The following RBM19 variants were observed in gnomAD, a reference collection of about 807,000 sequenced individuals.
RBM19 encodes the protein probable RNA-binding protein 19.
A neutral mutation model predicts 116.8 loss-of-function variants in RBM19; 94 were observed. The ratio of observed to expected loss-of-function variants is 0.80; its 90% CI spans 0.68 to 0.95. RBM19 has a LOEUF of 0.95. Among genes scored for constraint, RBM19 ranks in the 40% least tolerant of loss-of-function variants. The pLI is 0.00. For missense variants in RBM19, 1,161 were observed against 1,220.7 expected, an observed-to-expected ratio of 0.95 and a Z score of 0.73; for synonymous variants, 475 against 494.1, an observed-to-expected ratio of 0.96 and a Z score of 0.51.
chr12:113,955,241 G>T (rs758995626), intron 6 of RBM19, 30 bp from the exon 7 acceptor site: 3 of 1,601,404 alleles, frequency 1.9e-6, no homozygotes, highest in East Asian at 2.2e-5. Context: ...AACAGAAGTG[G>T]CCACACTAAC....
At chr12:113,843,123 C>T (rs1476745585) in intron 23 of RBM19, among the ~76,000 whole-genome samples, 1 of 152,204 alleles carries the variant, frequency 6.6e-6, no homozygotes, top group Non-Finnish European at 1.5e-5. Context: ...GACCAGTGGC[C>T]CCACTGGAAG....
intron 23 of RBM19, among the ~76,000 whole-genome samples, chr12:113,838,761 T>A (rs542494422): frequency 2.0e-5 from 3 of 152,340 alleles, no homozygotes; most frequent in South Asian, 4.1e-4. Context: ...TGTTCTACTA[T>A]GACCTAGGTG....
intron 21 of RBM19, among the ~76,000 whole-genome samples, chr12:113,879,277 C>T (rs1879915293): frequency 1.3e-5 from 2 of 152,006 alleles, no homozygotes; most frequent in Admixed American, 1.3e-4. Context: ...AATGACACAC[C>T]TATATATGGA....
chr12:113,909,908 C>T (rs954038568), intron 21 of RBM19, among the ~76,000 whole-genome samples: 1 of 152,174 alleles, frequency 6.6e-6, no homozygotes, highest in Non-Finnish European at 1.5e-5. Context: ...TCTTTTATCA[C>T]CCAGCTGTCA....
At position 113,903,927 on chromosome 12, in the gene RBM19, C is replaced by T. The variant is rs573992118; in HGVS notation, c.2558+11042G>A. On this transcript the variant is annotated intron_variant, in intron 21 of 23. Transcript: ENST00000261741. The surrounding 1 kb of genome is among the most constrained non-coding windows in gnomAD (Gnocchi z 5.1). ...TAGAGGAGTTGAGACCTCTGGGATC[C>T]GGACCATGGGATTCTGTTGAGCTAC... 7.2e-5 allele frequency among the ~76,000 whole-genome samples: 11 copies of T among 152,284 alleles called. No individual in the cohort carries two copies. Among genetic ancestry groups the T allele is most frequent in the African/African-American group, 2.4e-4 (10 of 41,560 alleles).
At chr12:113,926,999 T>C (rs949213286) in intron 17 of RBM19, 55 bp downstream of exon 17, 4 of 1,552,748 alleles carry the variant, frequency 2.6e-6, no homozygotes, top group Non-Finnish European at 3.5e-6. Flanking sequence ...GCCGTATCAG[T>C]AGACTGGGGT....
chr12:113,836,509 G>A lies in RBM19; in HGVS notation c.2785+8159C>T, dbSNP rs181055379. Among the ~76,000 whole-genome samples the A allele has an allele frequency of 1.3e-3, 204 of 152,208 alleles. 2 individuals carry two copies. The highest frequency in any genetic ancestry group is 2.4e-3 in the Non-Finnish European group (166 of 68,026). On this transcript the variant is annotated intron_variant, in intron 23 of 23. Coordinates refer to ENST00000261741, the MANE Select transcript of RBM19 (RefSeq NM_016196.4). Reference sequence around the variant, plus strand: ...GGCTTCCGCTTGGTGGGGAGGGGCTGGGGGGTTTACAACAAGTTTCTTTTG... The same window carrying A: ...GGCTTCCGCTTGGTGGGGAGGGGCTAGGGGGTTTACAACAAGTTTCTTTTG...
At chr12:113,939,813 A>T in intron 15 of RBM19, 147 bp downstream of exon 15, 1 of 785,502 alleles carries the variant, frequency 1.3e-6, no homozygotes, top group African/African-American at 1.8e-5. Context: ...GGCGGCAGGG[A>T]TGATATTCAG....
chr12:113,949,325 C>A, intron 9 of RBM19, among the ~76,000 whole-genome samples: 1 of 152,204 alleles, frequency 6.6e-6, no homozygotes, highest in East Asian at 1.9e-4. Flanking sequence ...GGGCTGTATT[C>A]TCTGGCACTG....
chr12:113,830,454 C>T (rs1387458420), intron 23 of RBM19, among the ~76,000 whole-genome samples: 2 of 151,826 alleles, frequency 1.3e-5, no homozygotes, highest in African/African-American at 4.8e-5. Context: ...CCTCTGTGCT[C>T]TGGGTGTCTT....
At position 113,864,634 on chromosome 12, in the gene RBM19, T is replaced by C. The variant is rs554036138; in HGVS notation, c.2559-5738A>G. The stretch of plus-strand genomic sequence containing the variant: ...CCCCAGTTGTGGCAAGTTGGAGAGA[T>C]AGACCAACTGCACAGCTAGGAACAA... On this transcript the variant is annotated intron_variant, in intron 21 of 23. Coordinates refer to ENST00000261741, the MANE Select transcript of RBM19 (RefSeq NM_016196.4). Among the ~76,000 whole-genome samples, 143 of 152,344 alleles carry C rather than the reference T, an allele frequency of 9.4e-4. No individual in the cohort carries two copies. In the Middle Eastern group the frequency reaches 0.031, roughly 33 times the overall value.
chr12:113,904,884 G>A (rs1260901081), intron 21 of RBM19, among the ~76,000 whole-genome samples: 1 of 152,150 alleles, frequency 6.6e-6, no homozygotes, highest in Non-Finnish European at 1.5e-5. Context: ...CCAGCTAGCT[G>A]CTTAGGACCT....
Position 113,951,259 on chromosome 12 carries a change from A to C in RBM19, c.1001-1105T>G, listed in dbSNP as rs114424820. On this transcript the variant is annotated intron_variant, in intron 8 of 23. Coordinates refer to ENST00000261741, the MANE Select transcript of RBM19 (RefSeq NM_016196.4). ...GCAGGGGACATTCAGCTGCTTTTCA[A>C]CATTTCATGCTTGGATGCCGGCTCT... Among the ~76,000 whole-genome samples, 1,431 of 152,124 alleles carry C rather than the reference A, an allele frequency of 9.4e-3. 26 individuals carry two copies. Among genetic ancestry groups the C allele is most frequent in the African/African-American group, 0.033 (1,371 of 41,498 alleles).
Position 113,952,545 on chromosome 12 carries a change from G to T in RBM19, c.967C>A (p.Arg323=). 6.2e-7 allele frequency: 1 copy of T among 1,613,756 alleles called. No individual in the cohort carries two copies. Among genetic ancestry groups the T allele is most frequent in the Non-Finnish European group, 8.5e-7 (1 of 1,179,810 alleles). ...TTCCCATGAGCGTTTCTCACAATTC[G>T]AATGGCCACTGGTTTCAGGGGTGCC... ...FLAPLKPVAI[R]IVRNAHGNKT... Residue 323 remains arginine, a synonymous_variant, in exon 8 of 24, where the codon CGA becomes AGA. Transcript: ENST00000261741.
At chr12:113,874,610 C>G (rs1166462856) in intron 21 of RBM19, among the ~76,000 whole-genome samples, 1 of 152,168 alleles carries the variant, frequency 6.6e-6, no homozygotes, top group African/African-American at 2.4e-5. Flanking sequence ...CAGCTTCAGC[C>G]CTTGAACTCA....
At chr12:113,905,263 A>G (rs1206280953) in intron 21 of RBM19, among the ~76,000 whole-genome samples, 3 of 152,218 alleles carry the variant, frequency 2.0e-5, no homozygotes, top group Non-Finnish European at 4.4e-5. Context: ...GCAGACAAAT[A>G]GACCCGGGGA....
At chr12:113,936,340 C>A (rs1420794004) in intron 16 of RBM19, among the ~76,000 whole-genome samples, 1 of 152,142 alleles carries the variant, frequency 6.6e-6, no homozygotes, top group South Asian at 2.1e-4. Flanking sequence ...ATGAGGTCCT[C>A]GATGCGGGGG....
chr12:113,834,258 TTGAATGAA>T (rs368089143), intron 23 of RBM19, among the ~76,000 whole-genome samples: 216 of 152,116 alleles, frequency 1.4e-3, no homozygotes, highest in African/African-American at 4.4e-3. Flanking sequence ...TGAAGAACTG[TTGAATGAA>T]TGAATGAATG....
At chr12:113,962,809 C>A (rs1005861155) in intron 1 of RBM19, among the ~76,000 whole-genome samples, 2 of 151,988 alleles carry the variant, frequency 1.3e-5, no homozygotes, top group African/African-American at 4.8e-5. Context: ...GTTAATAAAG[C>A]CCCCCCAAAA....
Sources: gnomAD v4.1 joint callset for allele counts (sites outside exome capture counted in the v4.1 genomes callset) on GRCh38, gnomAD v4.1.1 for gene constraint, Gnocchi (gnomAD v3.1) non-coding constraint, MANE v1.5 for transcripts, NCBI Gene and HGNC (gene_info 2026-07-23, HGNC 2026-07-21) for gene names.